The following METRNL variants were observed in gnomAD, a reference collection of about 807,000 sequenced individuals.
METRNL encodes meteorin like, glial cell differentiation regulator.
A neutral mutation model predicts 17.4 loss-of-function variants in METRNL; 9 were observed. The observed-to-expected ratio is 0.52, with a 90% CI of 0.31 to 0.90. METRNL has a LOEUF of 0.90. Among genes scored for constraint, METRNL ranks in the 40% least tolerant of loss-of-function variants. The probability of loss-of-function intolerance (pLI) is 0.05; values close to 1 mark genes in which losing one functional copy is unlikely to be tolerated. For synonymous variants in METRNL, 215 were observed against 199.3 expected, an observed-to-expected ratio of 1.08 and a Z score of -0.66; for missense variants, 408 against 430.7, an observed-to-expected ratio of 0.95 and a Z score of 0.47.
intron 3 of METRNL, among the ~76,000 whole-genome samples, chr17:83,093,991 T>G (rs1461266787): frequency 2.0e-5 from 3 of 152,140 alleles, no homozygotes; most frequent in Non-Finnish European, 2.9e-5. Context: ...GCTGGACTTG[T>G]TTGTTCTGTT....
intron 3 of METRNL, among the ~76,000 whole-genome samples, 184 bp from the exon 4 acceptor site, chr17:83,094,072 C>T (rs780181045): frequency 2.0e-5 from 3 of 152,236 alleles, no homozygotes; most frequent in Admixed American, 1.3e-4. Context: ...GTATCTGGGA[C>T]ACCCCTTGGC....
intron 1 of METRNL, chr17:83,084,696 C>T (rs2038028902): frequency 1.8e-6 from 1 of 556,988 alleles, no homozygotes. Context: ...CGGCCCCGCC[C>T]CACCATGGCT....
Position 83,085,300 on chromosome 17 carries a change from C to T in METRNL, c.533C>T (p.Ala178Val), listed in dbSNP as rs140067828. Residue 178 changes from alanine to valine, a missense_variant, in exon 2 of 4, where the codon GCG (alanine) becomes GTG (valine). Transcript: ENST00000320095. ...TACGAGCTGGTTAGGAGGCACAGGGCGTCGGACCTGCACGAGCTGTCTGGT... is the reference window on the plus strand; with the variant it reads ...TACGAGCTGGTTAGGAGGCACAGGGTGTCGGACCTGCACGAGCTGTCTGGT... ...FQYELVRRHR[A>V]SDLHELSAPC... is the part of the protein sequence containing the mutation. 9.1e-6 allele frequency: 14 copies of T among 1,532,044 alleles called. No homozygotes were observed. The highest frequency in any genetic ancestry group is 2.6e-5 in the South Asian group (2 of 78,096). 94.9% of individuals were successfully genotyped at this position (1,532,044 alleles called of 1,614,324 possible). A position where few individuals can be genotyped will look rare whatever the true frequency, so the allele number is the denominator to read the frequency against.
intron 2 of METRNL, among the ~76,000 whole-genome samples, chr17:83,089,776 C>T (rs947770036): frequency 6.6e-6 from 1 of 152,188 alleles, no homozygotes; most frequent in East Asian, 1.9e-4. Flanking sequence ...ACCCTGCATT[C>T]TCCGTGAAGG....
Position 83,085,158 on chromosome 17 carries a change from G to T in METRNL, c.391G>T (p.Val131Leu), listed in dbSNP as rs562774433. ...LEKTGELRLLVPDGDGRPGRV... is the reference protein window; with the variant it reads ...LEKTGELRLLLPDGDGRPGRV... ...AAAAACTGGAGAACTGAGACTGCTG[G>T]TACCAGACGGGGACGGCAGGCCCGG... The change falls in exon 2 of 4, where the codon GTA (valine) becomes TTA (leucine). Residue 131 changes from valine to leucine, a missense_variant. By Grantham distance (32) the Val-to-Leu change is conservative. Transcript: ENST00000320095. The T allele has an allele frequency of 1.6e-5, 26 of 1,613,208 alleles. No homozygotes were observed. The East Asian group carries it at 5.6e-4, about 35-fold the overall frequency.
intron 1 of METRNL, among the ~76,000 whole-genome samples, chr17:83,082,780 C>T (rs144380018): frequency 1.2e-3 from 182 of 152,346 alleles, no homozygotes; most frequent in African/African-American, 4.2e-3. Flanking sequence ...CCATGAGTCT[C>T]GGACTTCGTG....
At chr17:83,086,891 C>T (rs904367157) in intron 2 of METRNL, among the ~76,000 whole-genome samples, 1 of 152,088 alleles carries the variant, frequency 6.6e-6, no homozygotes. Flanking sequence ...CCTTTGGGAA[C>T]AGAGACTTTG....
intron 1 of METRNL, among the ~76,000 whole-genome samples, chr17:83,080,700 C>G (rs1196030936): frequency 2.0e-5 from 3 of 149,822 alleles, no homozygotes; most frequent in Non-Finnish European, 4.5e-5. Context: ...CACGCGAAGC[C>G]CAGGGCGCCG....
At chr17:83,080,356 C>G (rs2037968584) in intron 1 of METRNL, 1 of 150,842 alleles carries the variant, frequency 6.6e-6, no homozygotes, top group Non-Finnish European at 1.5e-5. Context: ...CGCCCCGAGG[C>G]CGCCCCGGGC....
At chr17:83,093,000 C>T (rs566532562) in intron 2 of METRNL, among the ~76,000 whole-genome samples, 167 bp from the exon 3 acceptor site, 13 of 152,276 alleles carry the variant, frequency 8.5e-5, no homozygotes, top group Admixed American at 5.9e-4. Flanking sequence ...CCCTCCAGCA[C>T]GTGCCGCCAA....
chr17:83,093,163 C>T lies in METRNL; in HGVS notation c.557-4C>T. On this transcript the variant is annotated splice_polypyrimidine_tract_variant and splice_region_variant and intron_variant, in intron 2 of 3. Transcript: ENST00000320095. ...TGCTTCCTGACTCTGCCTTTCTTCT[C>T]CAGCGCCGTGCCGTCCCTGCAGTGA... is the stretch of plus-strand genomic sequence containing the variant. 6.2e-7 allele frequency: 1 copy of T among 1,607,294 alleles called. No homozygotes were observed. The highest frequency in any genetic ancestry group is 8.5e-7 in the Non-Finnish European group (1 of 1,179,692).
In METRNL at chr17:83,079,840, T is replaced by G. The variant is rs1239074924; in HGVS notation, c.25T>G (p.Trp9Gly). ...CATGCGGGGCGCGGCGCGGGCGGCC[T>G]GGGGGCGCGCGGGGCAGCCGTGGCC... MRGAARAA[W>G]GRAGQPWPRP... is the part of the protein sequence containing the mutation. Residue 9 changes from tryptophan to glycine, a missense_variant, in exon 1 of 4, where the codon TGG becomes GGG. By Grantham distance (184) the Trp-to-Gly change is radical. Coordinates refer to ENST00000320095, the MANE Select transcript of METRNL (RefSeq NM_001004431.3). 4.7e-5 allele frequency: 45 copies of G among 954,314 alleles called. 1 individual carries two copies. Among genetic ancestry groups the G allele is most frequent in the Non-Finnish European group, 4.9e-6 (4 of 816,066 alleles). 59.1% of individuals were successfully genotyped at this position (954,314 alleles called of 1,614,324 possible).
At chr17:83,085,489 G>A (rs1431044558) in intron 2 of METRNL, among the ~76,000 whole-genome samples, 166 bp downstream of exon 2, 2 of 152,210 alleles carry the variant, frequency 1.3e-5, no homozygotes, top group African/African-American at 4.8e-5. Flanking sequence ...AGCCCCCCAG[G>A]TGGCTGGGGT....
chr17:83,082,587 G>C (rs899506431), intron 1 of METRNL, among the ~76,000 whole-genome samples: 1 of 152,214 alleles, frequency 6.6e-6, no homozygotes, highest in Admixed American at 6.5e-5. Context: ...GCAGAACTGT[G>C]TCACCTGCAT....
At chr17:83,089,711 C>T (rs150895312) in intron 2 of METRNL, among the ~76,000 whole-genome samples, 272 of 152,278 alleles carry the variant, frequency 1.8e-3, no homozygotes, top group Admixed American at 5.6e-3. Flanking sequence ...CCTTTATGAG[C>T]CTGGCTCCTG....
intron 1 of METRNL, 36 bp from the exon 2 acceptor site, chr17:83,084,902 G>C: frequency 5.1e-6 from 8 of 1,578,714 alleles, no homozygotes; most frequent in Non-Finnish European, 6.9e-6. Context: ...TGTGACGGGA[G>C]CTCCGGGCCT....
At chr17:83,081,961 C>T (rs549538743) in intron 1 of METRNL, 2 of 425,120 alleles carry the variant, frequency 4.7e-6, no homozygotes, top group South Asian at 9.8e-5. Context: ...CAGGGTGGAG[C>T]GAGCGCTGGT....
intron 2 of METRNL, among the ~76,000 whole-genome samples, chr17:83,087,441 T>C (rs963592867): frequency 6.6e-6 from 1 of 152,066 alleles, no homozygotes; most frequent in Non-Finnish European, 1.5e-5. Context: ...GGCCCCTCCC[T>C]GGGCTGAGCA....
chr17:83,081,235 T>C (rs1373660961), intron 1 of METRNL, among the ~76,000 whole-genome samples: 1 of 151,380 alleles, frequency 6.6e-6, no homozygotes, highest in African/African-American at 2.4e-5. Context: ...GGCCGACGGC[T>C]CTTCTGGGGC....
Sources: gnomAD v4.1 joint callset for allele counts (sites outside exome capture counted in the v4.1 genomes callset) on GRCh38, gnomAD v4.1.1 for gene constraint, MANE v1.5 for transcripts, NCBI Gene and HGNC (gene_info 2026-07-23, HGNC 2026-07-21) for gene names.